KIF13A: variants seen among roughly 807,000 people sequenced by gnomAD.
KIF13A encodes the protein kinesin family member 13A.
A neutral mutation model predicts 212.2 loss-of-function variants in KIF13A; 79 were observed. The observed-to-expected ratio is 0.37, with a 90% confidence interval of 0.31 to 0.45. KIF13A has a LOEUF of 0.45. Among genes scored for constraint, KIF13A ranks in the 20% least tolerant of loss-of-function variants. The probability of loss-of-function intolerance (pLI) is 1.00; values close to 1 mark genes in which losing one functional copy is unlikely to be tolerated. For synonymous variants in KIF13A, 789 were observed against 808.6 expected, an observed-to-expected ratio of 0.98 and a Z score of 0.41; for missense variants, 1,901 against 2,209.0, an observed-to-expected ratio of 0.86 and a Z score of 2.79.
In KIF13A at chr6:17,872,693, T is replaced by C. The variant is rs1935957342; in HGVS notation, c.220+684A>G. 6.6e-6 allele frequency among the ~76,000 whole-genome samples: 1 copy of C among 152,224 alleles called. No homozygotes were observed. The highest frequency in any genetic ancestry group is 6.5e-5 in the Admixed American group (1 of 15,272). On this transcript the variant is annotated intron_variant, in intron 4 of 38. Coordinates refer to ENST00000259711, the MANE Select transcript of KIF13A (RefSeq NM_022113.6). The surrounding 1 kb of genome is among the most constrained non-coding windows in gnomAD (Gnocchi z 4.7). ...GAGTCTCACTCGGTCACCTAGGCTG[T>C]GGTGGGACCTCGGCTCACTGCAACC...
intron 3 of KIF13A, among the ~76,000 whole-genome samples, chr6:17,889,775 C>G (rs905395715): frequency 1.6e-4 from 24 of 152,110 alleles, no homozygotes; most frequent in African/African-American, 5.8e-4. Context: ...AGACTGGAGC[C>G]AAGCTCTCCC....
Position 17,850,814 on chromosome 6 carries a change from A to AT in KIF13A, c.583-358dup, listed in dbSNP as rs1172645552. Among the ~76,000 whole-genome samples, 2 of 152,152 alleles carry AT rather than the reference A, an allele frequency of 1.3e-5. No individual in the cohort carries two copies. Among genetic ancestry groups the AT allele is most frequent in the African/African-American group, 4.8e-5 (2 of 41,428 alleles). ...CTCTCCTGTGCTTACCAACCCGCTG[A>AT]TGCCTGCCTGTCTGCCTCCCTCCTC... On this transcript the variant is annotated intron_variant, in intron 7 of 38. Transcript: ENST00000259711. This position sits in a 1 kb window ranked among gnomAD's most constrained non-coding sequence, Gnocchi z 6.2.
intron 17 of KIF13A, among the ~76,000 whole-genome samples, chr6:17,813,430 A>G (rs1264606478): frequency 1.3e-5 from 2 of 152,154 alleles, no homozygotes; most frequent in African/African-American, 4.8e-5. Context: ...CAGTGAGCGG[A>G]TATCATGCCA....
At chr6:17,908,936 C>A (rs1483349646) in intron 2 of KIF13A, among the ~76,000 whole-genome samples, 1 of 152,144 alleles carries the variant, frequency 6.6e-6, no homozygotes, top group Admixed American at 6.5e-5. Context: ...TTGATCTAGC[C>A]ATGTTGACCT....
chr6:17,979,291 TA>T (rs201607887), intron 2 of KIF13A, among the ~76,000 whole-genome samples: 3 of 150,680 alleles, frequency 2.0e-5, no homozygotes, highest in South Asian at 2.1e-4. Flanking sequence ...AGACTCCATC[TA>T]AAAAAAAAAT....
intron 2 of KIF13A, among the ~76,000 whole-genome samples, chr6:17,921,399 G>A (rs774135487): frequency 3.9e-5 from 6 of 152,196 alleles, no homozygotes; most frequent in Non-Finnish European, 8.8e-5. Flanking sequence ...TAGACTCACA[G>A]TCTTCACTTT....
rs182832403 is a variant in KIF13A, at chr6:17,824,629, C to A, written c.1786+1139G>T. Among the ~76,000 whole-genome samples the A allele has an allele frequency of 1.6e-3, 241 of 151,908 alleles. 10 individuals carry two copies. In the South Asian group the frequency reaches 0.049, roughly 31 times the overall value. On this transcript the variant is annotated intron_variant, in intron 16 of 38. Transcript: ENST00000259711. Reference sequence around the variant, plus strand: ...CAAAAAAATTAGCCAGGTGTGGTCACGGGCGCCTGTGGTCCCAGCTACTTG... The same window carrying A: ...CAAAAAAATTAGCCAGGTGTGGTCAAGGGCGCCTGTGGTCCCAGCTACTTG...
At chr6:17,806,424 C>G (rs1212735058) in intron 18 of KIF13A, among the ~76,000 whole-genome samples, 1 of 152,156 alleles carries the variant, frequency 6.6e-6, no homozygotes, top group East Asian at 1.9e-4. Context: ...ATAAATTTCC[C>G]AAAGGGGAAC....
At chr6:17,972,991 G>T (rs940191423) in intron 2 of KIF13A, among the ~76,000 whole-genome samples, 1 of 152,144 alleles carries the variant, frequency 6.6e-6, no homozygotes. Context: ...CTTTGCTTTT[G>T]AAAGAAAGGG....
intron 2 of KIF13A, among the ~76,000 whole-genome samples, chr6:17,910,495 C>G (rs1005281441): frequency 1.3e-5 from 2 of 152,218 alleles, no homozygotes; most frequent in Admixed American, 1.3e-4. Flanking sequence ...AGGTATCCTA[C>G]AGGCCAGAAT....
chr6:17,957,287 A>G (rs1778425278), intron 2 of KIF13A, among the ~76,000 whole-genome samples: 1 of 152,138 alleles, frequency 6.6e-6, no homozygotes, highest in Non-Finnish European at 1.5e-5. Flanking sequence ...GAGCACATGG[A>G]GGCAGCAGAC....
intron 35 of KIF13A, among the ~76,000 whole-genome samples, chr6:17,774,354 G>A (rs889653692): frequency 6.6e-6 from 1 of 152,026 alleles, no homozygotes; most frequent in East Asian, 1.9e-4. Context: ...TTATGCTATG[G>A]TGGATGTAAC....
intron 20 of KIF13A, among the ~76,000 whole-genome samples, chr6:17,803,712 A>G (rs898434481): frequency 4.7e-4 from 71 of 152,208 alleles, no homozygotes; most frequent in African/African-American, 1.7e-3. Context: ...GAACTAGAGT[A>G]TATCGCAAAG....
At chr6:17,830,323 T>A (rs1178871085) in intron 13 of KIF13A, among the ~76,000 whole-genome samples, 1 of 152,208 alleles carries the variant, frequency 6.6e-6, no homozygotes, top group African/African-American at 2.4e-5. Flanking sequence ...CTATGAGACA[T>A]GTAATGATGT....
At chr6:17,863,705 T>C (rs1769075497) in intron 4 of KIF13A, among the ~76,000 whole-genome samples, 1 of 152,162 alleles carries the variant, frequency 6.6e-6, no homozygotes, top group South Asian at 2.1e-4. Flanking sequence ...TACACTTCAT[T>C]CTGCAATAGA....
chr6:17,804,608 A>T lies in KIF13A; in HGVS notation c.2305-98T>A, dbSNP rs1241862677. On this transcript the variant is annotated intron_variant, in intron 19 of 38. Transcript: ENST00000259711. ...CTAGCATTTGAAAAAAAATTTAAAG[A>T]ATCTATCCATTTAAACAGCAAGTAA... 8 of 1,168,028 alleles carry T rather than the reference A, an allele frequency of 6.8e-6. No individual in the cohort carries two copies. The East Asian group carries it at 2.1e-4, about 31-fold the overall frequency. The allele number at this position is 1,168,028 out of a possible 1,614,324, so 72.4% of individuals were successfully genotyped here.
chr6:17,975,289 G>C (rs372377399), intron 2 of KIF13A, among the ~76,000 whole-genome samples: 8 of 152,266 alleles, frequency 5.3e-5, no homozygotes, highest in African/African-American at 1.9e-4. Context: ...GGAGGTGAAG[G>C]TTGCAATGAG....
chr6:17,901,188 C>G (rs1205545814), intron 2 of KIF13A, among the ~76,000 whole-genome samples: 1 of 151,222 alleles, frequency 6.6e-6, no homozygotes, highest in Non-Finnish European at 1.5e-5. Context: ...CTCACTCATC[C>G]TAACTCAGAC....
chr6:17,976,235 G>T (rs1194415271), intron 2 of KIF13A, among the ~76,000 whole-genome samples: 1 of 152,248 alleles, frequency 6.6e-6, no homozygotes, highest in Non-Finnish European at 1.5e-5. Flanking sequence ...GGTGGAGAAG[G>T]GGCCGGCGCT....
Sources: allele counts gnomAD v4.1 joint callset (sites outside exome capture counted in the v4.1 genomes callset), GRCh38; gene constraint gnomAD v4.1.1; non-coding constraint Gnocchi (gnomAD v3.1); transcripts MANE v1.5; gene names NCBI Gene and HGNC (gene_info 2026-07-23, HGNC 2026-07-21).